The following TOP2B variants were observed in gnomAD, a reference collection of about 807,000 sequenced individuals.
TOP2B encodes the protein DNA topoisomerase II beta, also known as DNA topoisomerase 2-beta.
In TOP2B, 51 loss-of-function variants were observed where a neutral mutation model predicts 193.5. The ratio of observed to expected loss-of-function variants is 0.26; its 90% confidence interval spans 0.21 to 0.33. The LOEUF (loss-of-function observed/expected upper bound fraction) is 0.33. Ranked by LOEUF, TOP2B falls within the 10% of genes least tolerant of loss-of-function variation. The pLI, the probability that TOP2B is intolerant of heterozygous loss-of-function variation, is 1.00. For missense variants in TOP2B, 1,378 were observed against 1,909.3 expected, an observed-to-expected ratio of 0.72 and a Z score of 5.19; for synonymous variants, 634 against 635.7, an observed-to-expected ratio of 1.00 and a Z score of 0.04.
At chr3:25,601,016 C>T (rs914649076) in intron 34 of TOP2B, 84 bp downstream of exon 34, 84 of 1,428,092 alleles carry the variant, frequency 5.9e-5, no homozygotes, top group Non-Finnish European at 7.8e-5. Flanking sequence ...AGATACCTAG[C>T]CTCTCTAAAT....
At chr3:25,625,306 C>G (rs903322026) in intron 18 of TOP2B, among the ~76,000 whole-genome samples, 1 of 152,180 alleles carries the variant, frequency 6.6e-6, no homozygotes, top group Non-Finnish European at 1.5e-5. Flanking sequence ...TGGCCATTTA[C>G]CATGTGACTA....
chr3:25,649,505 G>A (rs2125401741), intron 1 of TOP2B, among the ~76,000 whole-genome samples: 1 of 150,974 alleles, frequency 6.6e-6, no homozygotes, highest in Middle Eastern at 3.4e-3. Flanking sequence ...ACAGAAAAGT[G>A]AATCATCAAT....
At chr3:25,643,642 C>T in intron 3 of TOP2B, 52 bp downstream of exon 3, 1 of 1,336,222 alleles carries the variant, frequency 7.5e-7, no homozygotes, top group Non-Finnish European at 1.1e-6. Flanking sequence ...TATAAAAGGA[C>T]ACTATGATGA....
At chr3:25,650,003 A>AT (rs1467510870) in intron 1 of TOP2B, among the ~76,000 whole-genome samples, 1 of 152,232 alleles carries the variant, frequency 6.6e-6, no homozygotes, top group African/African-American at 2.4e-5. Context: ...AACCATGCCA[A>AT]TGCAGTCTTT....
intron 4 of TOP2B, among the ~76,000 whole-genome samples, chr3:25,640,752 CTTTTTTTTTTTT>C (rs372465937): frequency 0.032 from 3,444 of 107,042 alleles, 152 homozygotes; most frequent in African/African-American, 0.1. Flanking sequence ...TCTTCGTTGT[CTTTTTTTTTTTT>C]TTTTTTTTTT....
At chr3:25,655,092 AAAC>A (rs1703705933) in intron 1 of TOP2B, among the ~76,000 whole-genome samples, 1 of 152,210 alleles carries the variant, frequency 6.6e-6, no homozygotes, top group Non-Finnish European at 1.5e-5. Flanking sequence ...GCACCAAAGA[AAAC>A]AACTGACAGA....
intron 1 of TOP2B, among the ~76,000 whole-genome samples, chr3:25,659,866 G>C (rs1289150408): frequency 6.6e-6 from 1 of 152,132 alleles, no homozygotes; most frequent in East Asian, 1.9e-4. Flanking sequence ...ACTGAGTCTG[G>C]TTTAAATTCC....
At chr3:25,653,848 G>A (rs1301972029) in intron 1 of TOP2B, among the ~76,000 whole-genome samples, 1 of 151,856 alleles carries the variant, frequency 6.6e-6, no homozygotes, top group Non-Finnish European at 1.5e-5. Flanking sequence ...AAAATGAAGG[G>A]CAAAAAACAC....
intron 19 of TOP2B, 70 bp from the exon 20 acceptor site, chr3:25,624,515 AT>A: frequency 6.4e-7 from 1 of 1,561,336 alleles, no homozygotes; most frequent in East Asian, 2.3e-5. Flanking sequence ...CCCAACTTGA[AT>A]TAAAATCCAA....
At chr3:25,601,260 A>T (rs761107826) in intron 33 of TOP2B, 35 bp from the exon 34 acceptor site, 3 of 1,592,276 alleles carry the variant, frequency 1.9e-6, no homozygotes, top group South Asian at 2.3e-5. Context: ...AGGTCAATAT[A>T]CTTACCAACA....
At chr3:25,622,020 G>A (rs1460583715) in intron 21 of TOP2B, among the ~76,000 whole-genome samples, 2 of 151,720 alleles carry the variant, frequency 1.3e-5, no homozygotes, top group East Asian at 3.9e-4. Context: ...AAGAAATTGA[G>A]CATATAGCAT....
Position 25,628,878 on chromosome 3 carries a change from G to T in TOP2B, c.1875C>A (p.Asn625Lys), listed in dbSNP as rs763847568. ...EFDEWKKHIE[N>K]QKAWKIKYYK... ...AGTACTTTATTTTCCAGGCTTTCTG[G>T]TTTTCTATATGTTTTTTCCATTCGT... The change falls in exon 15 of 36, where the codon AAC (asparagine) becomes AAA (lysine). Residue 625 changes from asparagine to lysine, a missense_variant. Around this residue, in one of 9 missense-constraint regions of TOP2B, gnomAD observed 379 missense variants for 615.1 expected, o/e 0.62. Transcript: ENST00000264331. 2.5e-6 allele frequency: 4 copies of T among 1,588,736 alleles called. No individual in the cohort carries two copies.
At chr3:25,635,134 G>A (rs1204278240) in intron 7 of TOP2B, among the ~76,000 whole-genome samples, 3 of 152,088 alleles carry the variant, frequency 2.0e-5, no homozygotes, top group African/African-American at 7.2e-5. Context: ...CTAAGCCAAG[G>A]GGAAAGACAA....
chr3:25,612,750 C>A, intron 27 of TOP2B, 41 bp from the exon 28 acceptor site: 1 of 1,489,652 alleles, frequency 6.7e-7, no homozygotes, highest in East Asian at 2.3e-5. Context: ...TAAACAACTT[C>A]TTAGAAAAGA....
At chr3:25,659,338 T>C (rs1703842154) in intron 1 of TOP2B, among the ~76,000 whole-genome samples, 1 of 152,180 alleles carries the variant, frequency 6.6e-6, no homozygotes, top group Non-Finnish European at 1.5e-5. Context: ...AAGAGATACT[T>C]AAGACAGTAA....
Position 25,627,241 on chromosome 3 carries a change from C to G in TOP2B, c.1962G>C (p.Arg654Ser). 4.3e-6 allele frequency: 7 copies of G among 1,610,096 alleles called. No individual in the cohort carries two copies. Among genetic ancestry groups the G allele is most frequent in the Non-Finnish European group, 5.9e-6 (7 of 1,178,568 alleles). The change falls in exon 16 of 36, where the codon AGG (arginine) becomes AGC (serine). Residue 654 changes from arginine (R) to serine (S), a missense_variant. Arg to Ser is a moderately radical substitution (Grantham distance 110, BLOSUM62 -1). Around this residue, in one of 9 missense-constraint regions of TOP2B, gnomAD observed 379 missense variants for 615.1 expected, o/e 0.62. Coordinates refer to ENST00000264331, the MANE Select transcript of TOP2B (RefSeq NM_001330700.2). ...CAGCATATCTAAACAAGATGCGATGCCTTTCCATATCAGCAAAATATTCCT... is the reference window on the plus strand; with the variant it reads ...CAGCATATCTAAACAAGATGCGATGGCTTTCCATATCAGCAAAATATTCCT... ...EAKEYFADMERHRILFRYAGP... is the reference protein window; with the variant it reads ...EAKEYFADMESHRILFRYAGP...
intron 6 of TOP2B, among the ~76,000 whole-genome samples, chr3:25,636,692 C>T (rs1011470254): frequency 6.6e-6 from 1 of 151,974 alleles, no homozygotes; most frequent in Admixed American, 6.6e-5. Context: ...TTCAACGTGA[C>T]TATATAGACT....
At chr3:25,599,395 A>C in intron 35 of TOP2B, 40 bp downstream of exon 35, 1 of 1,579,944 alleles carries the variant, frequency 6.3e-7, no homozygotes, top group South Asian at 1.2e-5. Flanking sequence ...ATCTTTTTTT[A>C]AAAAGCCATG....
chr3:25,628,232 T>C (rs924001366), intron 15 of TOP2B, among the ~76,000 whole-genome samples: 1 of 149,866 alleles, frequency 6.7e-6, no homozygotes, highest in African/African-American at 2.5e-5. Flanking sequence ...TCCCAATACT[T>C]TGGGAGGCCA....
Sources: gnomAD v4.1 joint callset for allele counts (sites outside exome capture counted in the v4.1 genomes callset) on GRCh38, gnomAD v4.1.1 for gene constraint, gnomAD v4.1.1 regional missense constraint, MANE v1.5 for transcripts, NCBI Gene and HGNC (gene_info 2026-07-23, HGNC 2026-07-21) for gene names.